Variants in KLF15 observed in about 807,000 individuals in gnomAD.
The protein encoded by KLF15 is KLF transcription factor 15.
In KLF15, 4 loss-of-function variants were observed where a neutral mutation model predicts 24.6. The ratio of observed to expected loss-of-function variants is 0.16; its 90% CI spans 0.08 to 0.37. The LOEUF (loss-of-function observed/expected upper bound fraction) is 0.37. KLF15 is among the 10% of genes least tolerant of loss of function. The pLI, the probability that KLF15 is intolerant of heterozygous loss-of-function variation, is 1.00. For synonymous variants in KLF15, 246 were observed against 236.3 expected (o/e 1.04, Z -0.37); for missense variants, 496 against 560.6 (o/e 0.88, Z 1.16).
the KLF15 span, among the ~76,000 whole-genome samples, chr3:126,290,347 T>G: frequency 1.3e-5 from 2 of 152,226 alleles, no homozygotes; most frequent in Non-Finnish European, 2.9e-5. Context: ...GGGCTGCACC[T>G]GTGGACCCCA....
rs141326991 is a variant in KLF15 at position 126,348,886 on chromosome 3, C to T, written c.1082+2955G>A. ...AGGCCTCAGAAGGTAATGAGCTCCC[C>T]ATGGCAGGAAGTATGCAAGTTACAA... On this transcript the variant is annotated intron_variant, in intron 2 of 2. Coordinates refer to ENST00000296233, the MANE Select transcript of KLF15 (RefSeq NM_014079.4). 2.0e-5 allele frequency among the ~76,000 whole-genome samples: 3 copies of T among 152,278 alleles called. No homozygotes were observed. In the East Asian group the frequency reaches 5.8e-4, roughly 29 times the overall value.
chr3:126,322,384 C>T, the KLF15 span, among the ~76,000 whole-genome samples: 1 of 152,186 alleles, frequency 6.6e-6, no homozygotes, highest in East Asian at 1.9e-4. Flanking sequence ...CTGCATTCCC[C>T]AGCTCCTTGC....
chr3:126,304,416 C>T, the KLF15 span, among the ~76,000 whole-genome samples: 1 of 152,140 alleles, frequency 6.6e-6, no homozygotes, highest in Non-Finnish European at 1.5e-5. Flanking sequence ...CTGTATCAGC[C>T]CCAGGCATTG....
At chr3:126,336,595 A>G in the KLF15 span, among the ~76,000 whole-genome samples, 1 of 67,602 alleles carries the variant, frequency 1.5e-5, no homozygotes, top group Non-Finnish European at 2.8e-5. Flanking sequence ...TAAACTAAAG[A>G]GCTTCTGCAC....
the KLF15 span, among the ~76,000 whole-genome samples, chr3:126,319,175 G>A: frequency 6.6e-6 from 1 of 152,172 alleles, no homozygotes; most frequent in Non-Finnish European, 1.5e-5. Context: ...ATGTACCACA[G>A]TTTATCCATT....
At chr3:126,303,373 C>T in the KLF15 span, among the ~76,000 whole-genome samples, 1 of 151,760 alleles carries the variant, frequency 6.6e-6, no homozygotes, top group Non-Finnish European at 1.5e-5. Flanking sequence ...AGTTTCTTTA[C>T]TTTGCCTTTG....
intron 2 of KLF15, among the ~76,000 whole-genome samples, chr3:126,350,165 C>T (rs1221311817): frequency 6.6e-6 from 1 of 152,236 alleles, no homozygotes; most frequent in Non-Finnish European, 1.5e-5. Context: ...CACAAGTTTC[C>T]TGCTTCAATC....
intron 2 of KLF15, among the ~76,000 whole-genome samples, chr3:126,348,859 A>G (rs2082558745): frequency 6.6e-6 from 1 of 152,216 alleles, no homozygotes; most frequent in African/African-American, 2.4e-5. Flanking sequence ...AAGTACACTT[A>G]AAGGCCTCAG....
At chr3:126,294,864 T>TACACACACAA in the KLF15 span, among the ~76,000 whole-genome samples, 1 of 141,858 alleles carries the variant, frequency 7.0e-6, no homozygotes, top group African/African-American at 2.6e-5. Context: ...TGCCCCTCCA[T>TACACACACAA]ACACACACAC....
chr3:126,295,062 G>A, the KLF15 span, among the ~76,000 whole-genome samples: 3 of 151,768 alleles, frequency 2.0e-5, no homozygotes, highest in African/African-American at 2.4e-5. Context: ...GCACTTATAC[G>A]CACATGCATA....
chr3:126,327,160 A>G, the KLF15 span, among the ~76,000 whole-genome samples: 38 of 151,992 alleles, frequency 2.5e-4, no homozygotes, highest in Non-Finnish European at 2.5e-4. Context: ...GGTCTCCTCC[A>G]CTCTGCAACA....
chr3:126,290,717 G>A, the KLF15 span: 14 of 152,212 alleles, frequency 9.2e-5, no homozygotes, highest in Non-Finnish European at 1.9e-4. Context: ...GCTGCAGTAC[G>A]TTCTGCTTTG....
the KLF15 span, among the ~76,000 whole-genome samples, chr3:126,328,773 GTTTT>G: frequency 6.6e-6 from 1 of 151,898 alleles, no homozygotes; most frequent in Non-Finnish European, 1.5e-5. Flanking sequence ...AGGATATATT[GTTTT>G]TTTATTTCAT....
the KLF15 span, among the ~76,000 whole-genome samples, chr3:126,308,607 G>T: frequency 1.3e-5 from 2 of 152,334 alleles, no homozygotes; most frequent in East Asian, 3.9e-4. Context: ...GCTTGGTGTG[G>T]CTGGTATTAG....
At chr3:126,316,454 G>A in the KLF15 span, among the ~76,000 whole-genome samples, 1 of 26,376 alleles carries the variant, frequency 3.8e-5, no homozygotes, top group Non-Finnish European at 7.3e-5. Flanking sequence ...GGGGAAGGGA[G>A]TCTATGGGCC....
rs1461922726 is a variant in KLF15, at chr3:126,343,422, C to T, written c.*305G>A. 1.7e-5 allele frequency: 6 copies of T among 347,502 alleles called. No homozygotes were observed. The highest frequency in any genetic ancestry group is 2.2e-5 in the African/African-American group (1 of 45,918). 21.5% of individuals were successfully genotyped at this position (347,502 alleles called of 1,614,324 possible). A position where few individuals can be genotyped will look rare whatever the true frequency, so the allele number is the denominator to read the frequency against. ...GAAGGGCCAGGTCCCCAAAACTCTG[C>T]CTGCAACCAGCGGCTGCAGCAGAGG... is the stretch of plus-strand genomic sequence containing the variant. On this transcript the variant is annotated 3_prime_UTR_variant, in exon 3 of 3. Transcript: ENST00000296233.
At chr3:126,353,223 T>C (rs1450518945) in intron 1 of KLF15, among the ~76,000 whole-genome samples, 1 of 152,232 alleles carries the variant, frequency 6.6e-6, no homozygotes, top group Admixed American at 6.5e-5. Context: ...ATAGCACATA[T>C]GTCTGTGAAC....
At chr3:126,328,882 CATTTTTCT>C in the KLF15 span, among the ~76,000 whole-genome samples, 1 of 152,096 alleles carries the variant, frequency 6.6e-6, no homozygotes, top group Non-Finnish European at 1.5e-5. Context: ...ATCTATTGCC[CATTTTTCT>C]ATTGGGATTT....
intron 2 of KLF15, among the ~76,000 whole-genome samples, chr3:126,345,110 C>T (rs1301709275): frequency 6.6e-6 from 1 of 152,204 alleles, no homozygotes; most frequent in African/African-American, 2.4e-5. Context: ...TTCTTCCCTC[C>T]CCCTCCTTGC....
Sources: allele counts gnomAD v4.1 joint callset (sites outside exome capture counted in the v4.1 genomes callset), GRCh38; gene constraint gnomAD v4.1.1; transcripts MANE v1.5; gene names NCBI Gene and HGNC (gene_info 2026-07-23, HGNC 2026-07-21).